IGBP1: variants seen among roughly 807,000 people sequenced by gnomAD.
The protein encoded by IGBP1 is immunoglobulin binding protein 1, also known as immunoglobulin-binding protein 1.
Under a neutral mutation model 25.9 loss-of-function variants are expected in IGBP1, and 2 were observed. The ratio of observed to expected loss-of-function variants is 0.08; its 90% CI spans 0.03 to 0.24. The LOEUF (loss-of-function observed/expected upper bound fraction) is 0.24, where lower values mean the gene tolerates loss of function less well. IGBP1 is among the 10% of genes least tolerant of loss of function. The pLI is 1.00. For missense variants in IGBP1, 187 were observed against 260.4 expected (o/e 0.72, Z 1.94); for synonymous variants, 96 against 93.4 (o/e 1.03, Z -0.16).
At chrX:70,158,334 A>C (rs1215747422) in intron 6 of IGBP1, among the ~76,000 whole-genome samples, 1 of 111,856 alleles carries the variant, frequency 8.9e-6, no homozygotes, top group African/African-American at 3.3e-5. Flanking sequence ...CAGGAATAGA[A>C]AAAGAAAGAA....
chrX:70,158,564 A>T (rs988093916), intron 6 of IGBP1, among the ~76,000 whole-genome samples: 1 of 111,395 alleles, frequency 9.0e-6, no homozygotes, highest in African/African-American at 3.3e-5. Context: ...AATATAAAAC[A>T]CTGAACTGTT....
intron 6 of IGBP1, among the ~76,000 whole-genome samples, chrX:70,165,389 G>A (rs971447117): frequency 3.6e-5 from 4 of 111,135 alleles, no homozygotes; most frequent in African/African-American, 1.3e-4. Flanking sequence ...GAAATGGATG[G>A]AGGAGGAAAC....
chrX:70,143,486 T>C (rs1321136922), intron 3 of IGBP1, among the ~76,000 whole-genome samples: 1 of 112,310 alleles, frequency 8.9e-6, no homozygotes, highest in African/African-American at 3.2e-5. Flanking sequence ...AATAGTGATT[T>C]GTAGTTGACC....
intron 6 of IGBP1, among the ~76,000 whole-genome samples, chrX:70,152,868 G>T (rs1340759817): frequency 8.9e-6 from 1 of 111,931 alleles, no homozygotes; most frequent in Non-Finnish European, 1.9e-5. Flanking sequence ...AAGGTCTCAT[G>T]TATGCGCAAT....
At chrX:70,136,072 T>C (rs1330767387) in intron 3 of IGBP1, among the ~76,000 whole-genome samples, 1 of 111,660 alleles carries the variant, frequency 9.0e-6, no homozygotes, top group African/African-American at 3.3e-5. Context: ...TCAACTATTA[T>C]TATTTGTGGC....
At chrX:70,156,872 A>G (rs1267354624) in intron 6 of IGBP1, among the ~76,000 whole-genome samples, 1 of 111,855 alleles carries the variant, frequency 8.9e-6, no homozygotes, top group African/African-American at 3.3e-5. Context: ...TCTGGGAGGC[A>G]GAGGTTGCAG....
At position 70,149,704 on chromosome X, in the gene IGBP1, G is replaced by A. The variant is rs185054365; in HGVS notation, c.759-506G>A. On this transcript the variant is annotated intron_variant, in intron 5 of 6. Coordinates refer to ENST00000356413, the MANE Select transcript of IGBP1 (RefSeq NM_001551.3). ...GTAAACAAGCAAATAAAACAAAAAA[G>A]GAAAATAATTGAATGGAGAATTGTA... 38 of 117,213 alleles carry A rather than the reference G, an allele frequency of 3.2e-4. No homozygotes were observed. In the East Asian group the frequency reaches 8.5e-3, roughly 26 times the overall value. The allele number at this position is 117,213 out of a possible 1,213,427, so 9.7% of individuals were successfully genotyped here. A position where few individuals can be genotyped will look rare whatever the true frequency, so the allele number is the denominator to read the frequency against.
At chrX:70,155,967 C>G (rs1245173422) in intron 6 of IGBP1, among the ~76,000 whole-genome samples, 1 of 111,399 alleles carries the variant, frequency 9.0e-6, no homozygotes, top group Non-Finnish European at 1.9e-5. Flanking sequence ...TTCATTGGCC[C>G]AATTTCAATA....
In IGBP1 at chrX:70,150,212, T is replaced by C. The variant is rs1569423264; in HGVS notation, c.761T>C (p.Val254Ala). The part of the protein sequence containing the change: ...ILTRNMAQAK[V>A]FGAGYPSLPT... ...TAAATGCAGCGTAATTTTTGCAGAG[T>C]ATTTGGAGCTGGTTATCCAAGTCTG... Residue 254 changes from valine to alanine, a missense_variant and splice_region_variant, in exon 6 of 7, where the codon GTA becomes GCA. Transcript: ENST00000356413. 1 of 1,145,442 alleles carries C rather than the reference T, an allele frequency of 8.7e-7. No homozygotes were observed. Among genetic ancestry groups the C allele is most frequent in the East Asian group, 3.0e-5 (1 of 33,592 alleles). The allele number at this position is 1,145,442 out of a possible 1,213,427, so 94.4% of individuals were successfully genotyped here. A position where few individuals can be genotyped will look rare whatever the true frequency, so the allele number is the denominator to read the frequency against.
chrX:70,146,540 A>G (rs1485837422), intron 3 of IGBP1, 93 bp from the exon 4 acceptor site: 5 of 711,598 alleles, frequency 7.0e-6, no homozygotes, highest in South Asian at 2.3e-5. Context: ...TTACTACCCT[A>G]TCATTTGCAA....
chrX:70,150,490 G>A (rs2085196134), intron 6 of IGBP1, among the ~76,000 whole-genome samples, 168 bp downstream of exon 6: 1 of 111,463 alleles, frequency 9.0e-6, no homozygotes, highest in Admixed American at 9.6e-5. Flanking sequence ...ATAGCAAATG[G>A]TTATGGGAGG....
chrX:70,148,012 C>T (rs1300129060), intron 4 of IGBP1, among the ~76,000 whole-genome samples: 5 of 112,058 alleles, frequency 4.5e-5, no homozygotes, highest in African/African-American at 1.6e-4. Flanking sequence ...CATTTTGAGG[C>T]TGGACTTTTC....
intron 6 of IGBP1, among the ~76,000 whole-genome samples, chrX:70,160,306 A>G (rs1277561878): frequency 8.9e-6 from 1 of 112,024 alleles, no homozygotes; most frequent in Non-Finnish European, 1.9e-5. Context: ...GACATAGTCT[A>G]ATAAAATTTC....
At chrX:70,154,215 C>T (rs1473015357) in intron 6 of IGBP1, among the ~76,000 whole-genome samples, 7 of 108,803 alleles carry the variant, frequency 6.4e-5, no homozygotes, top group African/African-American at 2.0e-4. Flanking sequence ...TACAGGCGCC[C>T]GCCATCACAC....
In IGBP1 at chrX:70,153,988, C is replaced by T. The variant is rs376727293; in HGVS notation, c.871+3666C>T. Reference sequence around the variant, plus strand: ...CCCTGATAGAGTATGAGAGGAGACTCCATAAAAGCATGAATACCAAGAGGC... The same window carrying T: ...CCCTGATAGAGTATGAGAGGAGACTTCATAAAAGCATGAATACCAAGAGGC... On this transcript the variant is annotated intron_variant, in intron 6 of 6. Transcript: ENST00000356413. Among the ~76,000 whole-genome samples the T allele has an allele frequency of 2.7e-5, 3 of 111,194 alleles. No homozygotes were observed. In the East Asian group the frequency reaches 8.4e-4, roughly 31 times the overall value.
At chrX:70,154,254 A>C (rs1408758427) in intron 6 of IGBP1, among the ~76,000 whole-genome samples, 4 of 104,349 alleles carry the variant, frequency 3.8e-5, no homozygotes, top group Admixed American at 2.1e-4. Context: ...TTGTATTTTT[A>C]GTAGAGATGA....
Position 70,165,885 on chromosome X carries a change from A to G in IGBP1, c.924A>G (p.Glu308=). 8.3e-7 allele frequency: 1 copy of G among 1,208,767 alleles called. No homozygotes were observed. The highest frequency in any genetic ancestry group is 1.1e-6 in the Non-Finnish European group (1 of 893,101). Residue 308 remains glutamate, a synonymous_variant, in exon 7 of 7, where the codon GAA becomes GAG. Coordinates refer to ENST00000356413, the MANE Select transcript of IGBP1 (RefSeq NM_001551.3). ...AGGAAGAACAAGAAGAAAAGGAGGA[A>G]GAGGATGATGAACAAACACTCCACA... ...QQQEEQEEKE[E]EDDEQTLHRA...
chrX:70,155,222 A>G (rs2085231919), intron 6 of IGBP1, among the ~76,000 whole-genome samples: 1 of 112,185 alleles, frequency 8.9e-6, no homozygotes, highest in Non-Finnish European at 1.9e-5. Flanking sequence ...GAAAAGATAT[A>G]TAGGTGGCTC....
chrX:70,158,565 CT>C lies in IGBP1; in HGVS notation c.872-7267del, dbSNP rs778687971. 8.1e-5 allele frequency among the ~76,000 whole-genome samples: 9 copies of C among 111,617 alleles called. No homozygotes were observed. The East Asian group carries it at 2.3e-3, about 28-fold the overall frequency. On this transcript the variant is annotated intron_variant, in intron 6 of 6. Transcript: ENST00000356413. ...GTTGCACAACTCTGAATATAAAACA[CT>C]GAACTGTTGGCTCACACCTGTAATC...
Sources: gnomAD v4.1 joint callset for allele counts (sites outside exome capture counted in the v4.1 genomes callset) on GRCh38, gnomAD v4.1.1 for gene constraint, MANE v1.5 for transcripts, NCBI Gene and HGNC (gene_info 2026-07-23, HGNC 2026-07-21) for gene names.